Variants in INPPL1 observed in about 807,000 individuals in gnomAD.
INPPL1 encodes the protein inositol polyphosphate phosphatase like 1.
INPPL1 carries 91 observed loss-of-function variants against 139.3 expected under a neutral mutation model. The ratio of observed to expected loss-of-function variants is 0.65; its 90% confidence interval spans 0.55 to 0.78. The LOEUF (loss-of-function observed/expected upper bound fraction) is 0.78, where lower values mean the gene tolerates loss of function less well. Ranked by LOEUF, INPPL1 falls within the 30% of genes least tolerant of loss-of-function variation. INPPL1 has a pLI of 0.00. For synonymous variants in INPPL1, 719 were observed against 686.6 expected, an observed-to-expected ratio of 1.05 and a Z score of -0.74; for missense variants, 1,411 against 1,665.6, an observed-to-expected ratio of 0.85 and a Z score of 2.66.
chr11:72,229,790 G>T, intron 7 of INPPL1, 38 bp downstream of exon 7: 1 of 1,591,370 alleles, frequency 6.3e-7, no homozygotes, highest in Non-Finnish European at 8.6e-7. Context: ...CGATTCACTG[G>T]CCACTGTCAT....
rs566700152 is a variant in INPPL1, at chr11:72,229,822, C to T, written c.843+70C>T. ...TCATTGGCCTAGCACTGATCTCAAC[C>T]CTCAGTCTACAACTTAACATTGGCC... On this transcript the variant is annotated intron_variant, in intron 7 of 27. Coordinates refer to ENST00000298229, the MANE Select transcript of INPPL1 (RefSeq NM_001567.4). 4.5e-6 allele frequency: 7 copies of T among 1,555,354 alleles called. No individual in the cohort carries two copies. In the East Asian group the frequency reaches 1.1e-4, roughly 25 times the overall value.
intron 26 of INPPL1, 45 bp downstream of exon 26, chr11:72,237,841 G>C (rs974603711): frequency 6.5e-7 from 1 of 1,545,240 alleles, no homozygotes; most frequent in Non-Finnish European, 8.7e-7. Flanking sequence ...GAGTGTGCTT[G>C]CCCACAGACT....
In INPPL1 at chr11:72,231,629, G is replaced by C. The variant is rs759448512; in HGVS notation, c.1615+14G>C. 5.0e-5 allele frequency: 79 copies of C among 1,575,444 alleles called. No homozygotes were observed. The highest frequency in any genetic ancestry group is 6.5e-5 in the Non-Finnish European group (74 of 1,146,126). On this transcript the variant is annotated intron_variant, in intron 13 of 27. Coordinates refer to ENST00000298229, the MANE Select transcript of INPPL1 (RefSeq NM_001567.4). ...CCAACACCCTGGGTAAGTGGGGCTG[G>C]CAGGTGCCCAAGAGTGGCAGCGTCT... is the stretch of plus-strand genomic sequence containing the variant.
In INPPL1 at chr11:72,235,592, G is replaced by T; in HGVS notation, c.2660-83G>T. On this transcript the variant is annotated intron_variant, in intron 23 of 27. Coordinates refer to ENST00000298229, the MANE Select transcript of INPPL1 (RefSeq NM_001567.4). This position sits in a 1 kb window ranked among gnomAD's most constrained non-coding sequence, Gnocchi z 4.9. ...AATAGTCCTGCCCCAAGGCATAGCT[G>T]GGAAAGGGCTGGCAGGCCCACTGGG... 1 of 1,582,790 alleles carries T rather than the reference G, an allele frequency of 6.3e-7. No homozygotes were observed.
chr11:72,238,383 A>G lies in INPPL1; in HGVS notation c.*30A>G, dbSNP rs1315869778. On this transcript the variant is annotated 3_prime_UTR_variant, in exon 28 of 28. Transcript: ENST00000298229. ...GGAGGCACCACGAAGCTGTGAACTC[A>G]GAGCCCCTCCCTGCTACCAAGGCCC... 1 of 1,503,852 alleles carries G rather than the reference A, an allele frequency of 6.6e-7. No individual in the cohort carries two copies. Among genetic ancestry groups the G allele is most frequent in the East Asian group, 2.4e-5 (1 of 41,822 alleles). The allele number at this position is 1,503,852 out of a possible 1,614,324, so 93.2% of individuals were successfully genotyped here.
At position 72,235,688 on chromosome 11, in the gene INPPL1, T is replaced by G; in HGVS notation, c.2673T>G (p.Ile891Met). The change falls in exon 24 of 28, where the codon ATT (isoleucine) becomes ATG (methionine). Residue 891 changes from isoleucine to methionine, a missense_variant. This residue lies in a region of INPPL1 where 99 missense variants were observed against 171.6 expected (regional missense o/e 0.58). Coordinates refer to ENST00000298229, the MANE Select transcript of INPPL1 (RefSeq NM_001567.4). The surrounding 1 kb of genome is among the most constrained non-coding windows in gnomAD (Gnocchi z 4.9). ...CTGCCCCCTCAGAGTGGATCAGCAT[T>G]GATAAGGATGAGGCAGGAGCAAAGA... ...TRERLYEWIS[I>M]DKDEAGAKSK... 1 of 1,613,874 alleles carries G rather than the reference T, an allele frequency of 6.2e-7. No individual in the cohort carries two copies. The highest frequency in any genetic ancestry group is 1.1e-5 in the South Asian group (1 of 91,070).
rs1337709258 is a variant in INPPL1 at position 72,234,753 on chromosome 11, G to GTT, written c.2415+139_2415+140insTT. ...AGAGAGTGTGTGTGTGTGTGTGTGT[G>GTT]TGTGTGTGTGTATGGGCATGGGCAT... On this transcript the variant is annotated intron_variant, in intron 21 of 27. Coordinates refer to ENST00000298229, the MANE Select transcript of INPPL1 (RefSeq NM_001567.4). This position sits in a 1 kb window ranked among gnomAD's most constrained non-coding sequence, Gnocchi z 4.2. 4 of 647,926 alleles carry GTT rather than the reference G, an allele frequency of 6.2e-6. No homozygotes were observed. The highest frequency in any genetic ancestry group is 1.1e-5 in the Non-Finnish European group (4 of 369,690). The allele number at this position is 647,926 out of a possible 1,614,324, so 40.1% of individuals were successfully genotyped here. A position where few individuals can be genotyped will look rare whatever the true frequency, so the allele number is the denominator to read the frequency against.
Position 72,237,672 on chromosome 11 carries a change from C to T in INPPL1, c.3428C>T (p.Ser1143Leu), listed in dbSNP as rs1191053200. Reference protein sequence around the residue: ...VDYAPAGPARSALLPGPLELQ... With the variant: ...VDYAPAGPARLALLPGPLELQ... ...TATGCCCCTGCTGGGCCTGCACGCTCAGCGCTCCTCCCAGGCCCCCTGGAG... is the reference window on the plus strand; with the variant it reads ...TATGCCCCTGCTGGGCCTGCACGCTTAGCGCTCCTCCCAGGCCCCCTGGAG... The change falls in exon 26 of 28, where the codon TCA (serine) becomes TTA (leucine). Residue 1143 changes from serine to leucine, a missense_variant. Physicochemically the swap from Ser to Leu is moderately radical, Grantham distance 145 (BLOSUM62 -2). This residue lies in a region of INPPL1 where 438 missense variants were observed against 425.7 expected (regional missense o/e 1.03). Transcript: ENST00000298229. 2.5e-6 allele frequency: 4 copies of T among 1,611,818 alleles called. No homozygotes were observed. The highest frequency in any genetic ancestry group is 3.4e-6 in the Non-Finnish European group (4 of 1,179,438).
chr11:72,238,309 G>T lies in INPPL1; in HGVS notation c.3733G>T (p.Ala1245Ser), dbSNP rs140813782. 133 of 1,594,832 alleles carry T rather than the reference G, an allele frequency of 8.3e-5. No individual in the cohort carries two copies. The African/African-American group carries it at 1.7e-3, about 20-fold the overall frequency. Residue 1245 changes from alanine (A) to serine (S), a missense_variant, in exon 28 of 28, where the codon GCT (alanine) becomes TCT (serine). Coordinates refer to ENST00000298229, the MANE Select transcript of INPPL1 (RefSeq NM_001567.4). ...GGAGGAGGCTGGGGTGCAGGACCCG[G>T]CTCACAAGCGCCTCCTTCTGGACAC... ...DLEEAGVQDPAHKRLLLDTLQ... is the reference protein window; with the variant it reads ...DLEEAGVQDPSHKRLLLDTLQ...
Position 72,230,977 on chromosome 11 carries a change from C to T in INPPL1, c.1301-16C>T, listed in dbSNP as rs773368294. ...GCCTAACCCCTCCAGACCCACCTCA[C>T]CCCCTTCACCTCCAGGAAGTGTACC... On this transcript the variant is annotated splice_polypyrimidine_tract_variant and intron_variant, in intron 11 of 27. Coordinates refer to ENST00000298229, the MANE Select transcript of INPPL1 (RefSeq NM_001567.4). 3 of 1,612,006 alleles carry T rather than the reference C, an allele frequency of 1.9e-6. No homozygotes were observed. Among genetic ancestry groups the T allele is most frequent in the Admixed American group, 1.7e-5 (1 of 59,922 alleles).
In INPPL1 at chr11:72,238,284, G is replaced by T; in HGVS notation, c.3708G>T (p.Leu1236Phe). 1 of 1,611,334 alleles carries T rather than the reference G, an allele frequency of 6.2e-7. No homozygotes were observed. Among genetic ancestry groups the T allele is most frequent in the South Asian group, 1.1e-5 (1 of 90,752 alleles). Residue 1236 changes from leucine (L) to phenylalanine (F), a missense_variant, in exon 28 of 28, where the codon TTG (leucine) becomes TTT (phenylalanine). Physicochemically the swap from Leu to Phe is conservative, Grantham distance 22 (BLOSUM62 0). This residue lies in a region of INPPL1 where 438 missense variants were observed against 425.7 expected (regional missense o/e 1.03). Coordinates refer to ENST00000298229, the MANE Select transcript of INPPL1 (RefSeq NM_001567.4). ...ACAGTGACATCACCGAGGAGGACTT[G>T]GAGGAGGCTGGGGTGCAGGACCCGG... The part of the protein sequence containing the change: ...EFLSDITEED[L>F]EEAGVQDPAH...
Position 72,238,340 on chromosome 11 carries a change from A to C in INPPL1, c.3764A>C (p.Gln1255Pro). Residue 1255 changes from glutamine to proline, a missense_variant, in exon 28 of 28, where the codon CAG (glutamine) becomes CCG (proline). Physicochemically the swap from Gln to Pro is moderately conservative, Grantham distance 76 (BLOSUM62 -1). Around this residue, in one of 5 missense-constraint regions of INPPL1, gnomAD observed 438 missense variants for 425.7 expected, o/e 1.03. Transcript: ENST00000298229. ...AAGCGCCTCCTTCTGGACACCCTGC[A>C]GCTCAGCAAGTGATAGCGGAGGCAC... ...AHKRLLLDTL[Q>P]LSK 1.3e-6 allele frequency: 2 copies of C among 1,559,942 alleles called. No homozygotes were observed. The highest frequency in any genetic ancestry group is 1.2e-5 in the South Asian group (1 of 82,674).
rs1017166222 is a variant in INPPL1, at chr11:72,229,406, G to A, written c.660-59G>A. 93 of 1,527,074 alleles carry A rather than the reference G, an allele frequency of 6.1e-5. 1 individual carries two copies. The highest frequency in any genetic ancestry group is 3.2e-4 in the East Asian group (14 of 44,404). 94.6% of individuals were successfully genotyped at this position (1,527,074 alleles called of 1,614,324 possible). ...TGGTGAGGTTGAGGCTACACCCAGCGCCCCCTTCCCTATACTTAGGTCGGG... is the reference window on the plus strand; with the variant it reads ...TGGTGAGGTTGAGGCTACACCCAGCACCCCCTTCCCTATACTTAGGTCGGG... On this transcript the variant is annotated intron_variant, in intron 5 of 27. Coordinates refer to ENST00000298229, the MANE Select transcript of INPPL1 (RefSeq NM_001567.4).
rs112903949 is a variant in INPPL1 at position 72,234,732 on chromosome 11, AGTGT to A, written c.2415+146_2415+149del. On this transcript the variant is annotated intron_variant, in intron 21 of 27. Coordinates refer to ENST00000298229, the MANE Select transcript of INPPL1 (RefSeq NM_001567.4). The surrounding 1 kb of genome is among the most constrained non-coding windows in gnomAD (Gnocchi z 4.2). ...GGGGCCAGCAGAGAGAGAGAGAGAG[AGTGT>A]GTGTGTGTGTGTGTGTGTGTGTGTG... 4,089 of 521,038 alleles carry A rather than the reference AGTGT, an allele frequency of 7.8e-3. 15 individuals carry two copies. Among genetic ancestry groups the A allele is most frequent in the African/African-American group, 0.028 (1,341 of 48,362 alleles). The allele number at this position is 521,038 out of a possible 1,614,324, so 32.3% of individuals were successfully genotyped here.
chr11:72,231,144 A>G lies in INPPL1; in HGVS notation c.1452A>G (p.Leu484=), dbSNP rs750424427. 1.9e-6 allele frequency: 3 copies of G among 1,613,692 alleles called. No individual in the cohort carries two copies. The highest frequency in any genetic ancestry group is 1.7e-6 in the Non-Finnish European group (2 of 1,180,000). The change falls in exon 12 of 28, where the codon CTA becomes CTG. Residue 484 remains leucine (L), a synonymous_variant. Coordinates refer to ENST00000298229, the MANE Select transcript of INPPL1 (RefSeq NM_001567.4). ...NSVGDREWLD[L]LRGGLKELTD... Reference sequence around the variant, plus strand: ...TGGGCGACCGCGAGTGGCTGGACCTACTGCGCGGGGGCCTCAAGGAGCTTA... The same window carrying G: ...TGGGCGACCGCGAGTGGCTGGACCTGCTGCGCGGGGGCCTCAAGGAGCTTA...
In INPPL1 at chr11:72,238,341, G is replaced by C; in HGVS notation, c.3765G>C (p.Gln1255His). The change falls in exon 28 of 28, where the codon CAG (glutamine) becomes CAC (histidine). Residue 1255 changes from glutamine (Q) to histidine (H), a missense_variant. Gln to His is a conservative substitution (Grantham distance 24, BLOSUM62 0). This residue lies in a region of INPPL1 where 438 missense variants were observed against 425.7 expected (regional missense o/e 1.03). Transcript: ENST00000298229. ...AHKRLLLDTLQLSK is the reference protein window; with the variant it reads ...AHKRLLLDTLHLSK ...AGCGCCTCCTTCTGGACACCCTGCA[G>C]CTCAGCAAGTGATAGCGGAGGCACC... 1 of 1,559,898 alleles carries C rather than the reference G, an allele frequency of 6.4e-7. No homozygotes were observed. The highest frequency in any genetic ancestry group is 1.2e-5 in the South Asian group (1 of 82,658).
intron 1 of INPPL1, among the ~76,000 whole-genome samples, chr11:72,226,994 C>T (rs1188380779): frequency 1.3e-5 from 2 of 152,148 alleles, no homozygotes; most frequent in African/African-American, 2.4e-5. Context: ...TGGCTCTTCC[C>T]CGCATCTCAA....
chr11:72,228,545 C>T lies in INPPL1; in HGVS notation c.397+47C>T. 1 of 1,590,992 alleles carries T rather than the reference C, an allele frequency of 6.3e-7. No individual in the cohort carries two copies. Among genetic ancestry groups the T allele is most frequent in the Non-Finnish European group, 8.5e-7 (1 of 1,172,720 alleles). ...CCCTCCCTGCCCCTGTCCCTTGGCT[C>T]TACCTGCCTCTTCCCATCCCCCCTT... On this transcript the variant is annotated intron_variant, in intron 3 of 27. Transcript: ENST00000298229. The surrounding 1 kb of genome is among the most constrained non-coding windows in gnomAD (Gnocchi z 5.0).
chr11:72,228,557 T>A lies in INPPL1; in HGVS notation c.397+59T>A. On this transcript the variant is annotated intron_variant, in intron 3 of 27. Coordinates refer to ENST00000298229, the MANE Select transcript of INPPL1 (RefSeq NM_001567.4). The surrounding 1 kb of genome is among the most constrained non-coding windows in gnomAD (Gnocchi z 5.0). The stretch of plus-strand genomic sequence containing the variant: ...CTGTCCCTTGGCTCTACCTGCCTCT[T>A]CCCATCCCCCCTTCTCAACCCCACC... 6.3e-7 allele frequency: 1 copy of A among 1,584,708 alleles called. No individual in the cohort carries two copies. Among genetic ancestry groups the A allele is most frequent in the Non-Finnish European group, 8.6e-7 (1 of 1,167,946 alleles).
Sources: gnomAD v4.1 joint callset for allele counts (sites outside exome capture counted in the v4.1 genomes callset) on GRCh38, gnomAD v4.1.1 for gene constraint, gnomAD v4.1.1 regional missense constraint, Gnocchi (gnomAD v3.1) non-coding constraint, MANE v1.5 for transcripts, NCBI Gene and HGNC (gene_info 2026-07-23, HGNC 2026-07-21) for gene names.